The following TRAPPC9 variants were observed in gnomAD, a reference collection of about 807,000 sequenced individuals.
TRAPPC9 encodes IKK2 binding protein.
TRAPPC9 carries 83 observed loss-of-function variants against 124.0 expected under a neutral mutation model. That is an observed-to-expected ratio of 0.67 (90% confidence interval 0.56 to 0.80). The LOEUF (loss-of-function observed/expected upper bound fraction) is 0.80, where lower values mean the gene tolerates loss of function less well. Ranked by LOEUF, TRAPPC9 falls within the 30% of genes least tolerant of loss-of-function variation. The probability of loss-of-function intolerance (pLI) is 0.00; values close to 1 mark genes in which losing one functional copy is unlikely to be tolerated. For missense variants in TRAPPC9, 1,302 were observed against 1,508.3 expected, an observed-to-expected ratio of 0.86 and a Z score of 2.27; for synonymous variants, 638 against 617.5, an observed-to-expected ratio of 1.03 and a Z score of -0.49.
At chr8:140,456,833 C>T in intron 1 of TRAPPC9, 1 of 985,398 alleles carries the variant, frequency 1.0e-6, no homozygotes, top group African/African-American at 1.7e-5. Flanking sequence ...CGTTTTAATT[C>T]CTCTCTCTAT....
chr8:139,797,276 T>C (rs779402700), intron 21 of TRAPPC9, among the ~76,000 whole-genome samples: 5 of 152,222 alleles, frequency 3.3e-5, no homozygotes, highest in Admixed American at 6.5e-5. Flanking sequence ...ATTTATTTTT[T>C]TGAGATGGAG....
At chr8:140,369,968 A>C (rs185919526) in intron 8 of TRAPPC9, among the ~76,000 whole-genome samples, 2 of 152,152 alleles carry the variant, frequency 1.3e-5, no homozygotes, top group Admixed American at 1.3e-4. Context: ...AAAAAATAAA[A>C]ATAAAAAGGA....
intron 17 of TRAPPC9, among the ~76,000 whole-genome samples, chr8:140,213,584 C>T (rs943074790): frequency 4.4e-5 from 6 of 136,482 alleles, no homozygotes; most frequent in African/African-American, 1.8e-4. Flanking sequence ...GTTTAATCTA[C>T]ATTTTTTTTT....
rs141074372 is a variant in TRAPPC9 at position 140,126,283 on chromosome 8, C to T, written c.2556+95176G>A. ...GAGAGGACCAGGCTGGAAGAGGAGA[C>T]ACGGTGGGCCCCATCTGGAGCATCT... On this transcript the variant is annotated intron_variant, in intron 17 of 22. Coordinates refer to ENST00000438773, the MANE Select transcript of TRAPPC9 (RefSeq NM_001160372.4). 4.7e-3 allele frequency among the ~76,000 whole-genome samples: 715 copies of T among 152,116 alleles called. 4 individuals are homozygous for T. The highest frequency in any genetic ancestry group is 0.017 in the African/African-American group (687 of 41,484).
At chr8:139,804,783 A>T (rs1228636705) in intron 21 of TRAPPC9, among the ~76,000 whole-genome samples, 1 of 146,668 alleles carries the variant, frequency 6.8e-6, no homozygotes, top group East Asian at 2.0e-4. Context: ...ACCACCAAGC[A>T]CCACCGCCGC....
intron 17 of TRAPPC9, among the ~76,000 whole-genome samples, chr8:140,071,317 C>G (rs1843148427): frequency 6.6e-6 from 1 of 152,234 alleles, no homozygotes; most frequent in Non-Finnish European, 1.5e-5. Flanking sequence ...CAGTCTCGCT[C>G]TCACTCCAGC....
chr8:140,455,820 GA>G (rs2071640190), intron 1 of TRAPPC9, among the ~76,000 whole-genome samples: 1 of 152,174 alleles, frequency 6.6e-6, no homozygotes, highest in Admixed American at 6.6e-5. Flanking sequence ...CTATACAATG[GA>G]ATATTATTCA....
intron 21 of TRAPPC9, among the ~76,000 whole-genome samples, chr8:139,749,514 C>T (rs1207205389): frequency 4.6e-5 from 7 of 152,196 alleles, no homozygotes; most frequent in Non-Finnish European, 8.8e-5. Context: ...CTTCTTCCTA[C>T]CATGAAAAGG....
At chr8:140,361,377 C>T (rs2067948453) in intron 8 of TRAPPC9, among the ~76,000 whole-genome samples, 1 of 152,134 alleles carries the variant, frequency 6.6e-6, no homozygotes, top group Admixed American at 6.5e-5. Flanking sequence ...CTGAGAGATG[C>T]TGCGTCAGCC....
At chr8:140,427,887 C>T (rs1400433988) in intron 4 of TRAPPC9, among the ~76,000 whole-genome samples, 1 of 152,198 alleles carries the variant, frequency 6.6e-6, no homozygotes, top group African/African-American at 2.4e-5. Flanking sequence ...TTGAATAACA[C>T]CTTTCTGCCA....
chr8:140,359,482 CAG>C (rs1563972292), intron 9 of TRAPPC9, among the ~76,000 whole-genome samples: 2 of 152,184 alleles, frequency 1.3e-5, no homozygotes, highest in African/African-American at 2.4e-5. Context: ...AACCTTGAAA[CAG>C]GGGCAGAAAC....
intron 17 of TRAPPC9, among the ~76,000 whole-genome samples, chr8:140,132,784 G>C (rs570424354): frequency 4.5e-5 from 5 of 112,006 alleles, no homozygotes; most frequent in African/African-American, 2.0e-4. Context: ...TCCAAGAGGA[G>C]GCCAAGTCGG....
intron 9 of TRAPPC9, among the ~76,000 whole-genome samples, chr8:140,352,498 T>C (rs890443778): frequency 6.6e-6 from 1 of 152,124 alleles, no homozygotes; most frequent in Non-Finnish European, 1.5e-5. Flanking sequence ...GGCAGCCTAA[T>C]CTTGATCCAC....
intron 17 of TRAPPC9, among the ~76,000 whole-genome samples, chr8:140,116,891 GAGTAGGCGGAGTTCAGTA>G (rs2060898993): frequency 7.1e-4 from 64 of 89,644 alleles, no homozygotes; most frequent in African/African-American, 1.1e-3. Context: ...GGAGTTCAGT[GAGTAGGCGGAGTTCAGTA>G]AGTAGGCGGA....
Position 140,405,678 on chromosome 8 carries a change from T to A in TRAPPC9, c.907A>T (p.Ile303Phe). ...ATCTCAGTACTGGTGTCAGGGTTGA[T>A]GCCATTGGTGGTGAGGGCACCTGCA... The part of the protein sequence containing the change: ...IDPGALTTNG[I>F]NPDTSTEIGR... The change falls in exon 6 of 23, where the codon ATC becomes TTC. Residue 303 changes from isoleucine (I) to phenylalanine (F), a missense_variant. Around this residue, in one of 3 missense-constraint regions of TRAPPC9, gnomAD observed 657 missense variants for 811.2 expected, o/e 0.81. Coordinates refer to ENST00000438773, the MANE Select transcript of TRAPPC9 (RefSeq NM_001160372.4). 2 of 1,614,186 alleles carry A rather than the reference T, an allele frequency of 1.2e-6. No homozygotes were observed. Among genetic ancestry groups the A allele is most frequent in the Non-Finnish European group, 8.5e-7 (1 of 1,180,022 alleles).
chr8:140,382,316 G>C (rs145024401), intron 7 of TRAPPC9, among the ~76,000 whole-genome samples: 1 of 152,314 alleles, frequency 6.6e-6, no homozygotes, highest in Middle Eastern at 3.4e-3. Flanking sequence ...GCAGTGCATC[G>C]AGCATGGGCC....
intron 16 of TRAPPC9, among the ~76,000 whole-genome samples, chr8:140,229,255 T>TC (rs1311285054): frequency 6.6e-5 from 1 of 15,228 alleles, no homozygotes; most frequent in Non-Finnish European, 1.8e-4. Flanking sequence ...CTTTTTCTTT[T>TC]TTTTTTTTTT....
At position 140,252,513 on chromosome 8, in the gene TRAPPC9, C is replaced by A; in HGVS notation, c.2431+264G>T. 1 of 429,396 alleles carries A rather than the reference C, an allele frequency of 2.3e-6. No homozygotes were observed. The highest frequency in any genetic ancestry group is 2.0e-5 in the African/African-American group (1 of 50,368). The allele number at this position is 429,396 out of a possible 1,614,324, so 26.6% of individuals were successfully genotyped here. A position where few individuals can be genotyped will look rare whatever the true frequency, so the allele number is the denominator to read the frequency against. Reference sequence around the variant, plus strand: ...AAAACGCAGTAATTCCTACATTCCACTAATTTAGAATGACCTGCTGGTAAA... The same window carrying A: ...AAAACGCAGTAATTCCTACATTCCAATAATTTAGAATGACCTGCTGGTAAA... On this transcript the variant is annotated intron_variant, in intron 16 of 22. Coordinates refer to ENST00000438773, the MANE Select transcript of TRAPPC9 (RefSeq NM_001160372.4). The surrounding 1 kb of genome is among the most constrained non-coding windows in gnomAD (Gnocchi z 4.2).
intron 16 of TRAPPC9, among the ~76,000 whole-genome samples, chr8:140,247,482 A>G (rs751155440): frequency 6.6e-6 from 1 of 151,906 alleles, no homozygotes; most frequent in Non-Finnish European, 1.5e-5. Context: ...GTCCAGTAAT[A>G]TAACTAGAAT....
Sources: gnomAD v4.1 joint callset for allele counts (sites outside exome capture counted in the v4.1 genomes callset) on GRCh38, gnomAD v4.1.1 for gene constraint, gnomAD v4.1.1 regional missense constraint, Gnocchi (gnomAD v3.1) non-coding constraint, MANE v1.5 for transcripts, NCBI Gene and HGNC (gene_info 2026-07-23, HGNC 2026-07-21) for gene names.